Variants in CFAP69 observed in about 807,000 individuals in gnomAD.
The protein encoded by CFAP69 is cilia and flagella associated protein 69.
In CFAP69, 92 loss-of-function variants were observed where a neutral mutation model predicts 123.0. That is an observed-to-expected ratio of 0.75 (90% CI 0.63 to 0.89). The LOEUF (loss-of-function observed/expected upper bound fraction) is 0.89. CFAP69 is among the 40% of genes least tolerant of loss of function. The pLI is 0.00. For missense variants in CFAP69, 1,067 were observed against 1,096.9 expected (o/e 0.97, Z 0.39); for synonymous variants, 380 against 364.3 (o/e 1.04, Z -0.49).
Position 90,300,244 on chromosome 7 carries a change from G to A in CFAP69, c.2050+185G>A, listed in dbSNP as rs184134488. On this transcript the variant is annotated intron_variant, in intron 17 of 22. Coordinates refer to ENST00000389297, the MANE Select transcript of CFAP69 (RefSeq NM_001039706.3). Reference sequence around the variant, plus strand: ...AGAAAACTAAGTAAATTAGTAGTAGGTTCATATTTTTAGAGAATATTTTTA... The same window carrying A: ...AGAAAACTAAGTAAATTAGTAGTAGATTCATATTTTTAGAGAATATTTTTA... The A allele has an allele frequency of 1.6e-5, 17 of 1,073,744 alleles. No homozygotes were observed. The Admixed American group carries it at 7.8e-4, about 49-fold the overall frequency. 66.5% of individuals were successfully genotyped at this position (1,073,744 alleles called of 1,614,324 possible).
chr7:90,277,888 CCTTAGAAAAATTACCTCGT>C (rs1788838897), intron 11 of CFAP69, among the ~76,000 whole-genome samples: 1 of 151,984 alleles, frequency 6.6e-6, no homozygotes, highest in Non-Finnish European at 1.5e-5. Context: ...AGCTATGTGG[CCTTAGAAAAATTACCTCGT>C]CTATCTGTGG....
At chr7:90,250,350 A>C (rs776960105) in intron 1 of CFAP69, among the ~76,000 whole-genome samples, 2 of 152,194 alleles carry the variant, frequency 1.3e-5, no homozygotes, top group Non-Finnish European at 2.9e-5. Flanking sequence ...TGGCTTTAAC[A>C]AGTTAGGTCC....
At chr7:90,261,232 C>T (rs891017721) in intron 3 of CFAP69, among the ~76,000 whole-genome samples, 6 of 152,106 alleles carry the variant, frequency 3.9e-5, no homozygotes, top group Admixed American at 1.3e-4. Context: ...GGCACCACCA[C>T]GCCCAGCGAA....
At chr7:90,290,004 TTAGGTCTTG>T (rs1790890772) in intron 15 of CFAP69, among the ~76,000 whole-genome samples, 1 of 152,176 alleles carries the variant, frequency 6.6e-6, no homozygotes, top group Non-Finnish European at 1.5e-5. Flanking sequence ...ATTTTAATAA[TTAGGTCTTG>T]ATAAGTCTAG....
intron 6 of CFAP69, 138 bp downstream of exon 6, chr7:90,268,522 C>T (rs1325197142): frequency 3.4e-6 from 2 of 580,474 alleles, no homozygotes; most frequent in African/African-American, 2.0e-5. Context: ...TAGTCTTGAG[C>T]TCTTTGGTCA....
intron 1 of CFAP69, among the ~76,000 whole-genome samples, chr7:90,254,087 A>G (rs1797349454): frequency 6.6e-6 from 1 of 152,158 alleles, no homozygotes; most frequent in Non-Finnish European, 1.5e-5. Flanking sequence ...CATTTATTGA[A>G]GAGACTGTTC....
In CFAP69 at chr7:90,245,528, A is replaced by G; in HGVS notation, c.104A>G (p.Glu35Gly). The change falls in exon 1 of 23, where the codon GAG becomes GGG. Residue 35 changes from glutamate to glycine, a missense_variant. Glu to Gly is a moderately conservative substitution (Grantham distance 98, BLOSUM62 -2). Coordinates refer to ENST00000389297, the MANE Select transcript of CFAP69 (RefSeq NM_001039706.3). ...SQIPVVGVVT[E>G]DDEAQDVFKP... Reference sequence around the variant, plus strand: ...ATCCCGGTGGTTGGGGTGGTGACGGAGGACGATGAGGCGCAGGTATGAGCA... The same window carrying G: ...ATCCCGGTGGTTGGGGTGGTGACGGGGGACGATGAGGCGCAGGTATGAGCA... The G allele has an allele frequency of 6.6e-7, 1 of 1,513,354 alleles. No individual in the cohort carries two copies. Among genetic ancestry groups the G allele is most frequent in the Admixed American group, 2.3e-5 (1 of 43,646 alleles). 93.7% of individuals were successfully genotyped at this position (1,513,354 alleles called of 1,614,324 possible).
At chr7:90,256,033 C>T (rs1451482775) in intron 2 of CFAP69, among the ~76,000 whole-genome samples, 1 of 152,038 alleles carries the variant, frequency 6.6e-6, no homozygotes, top group Non-Finnish European at 1.5e-5. Context: ...TATCAAGAAT[C>T]GACTGAATGC....
In CFAP69 at chr7:90,245,503, A is replaced by G; in HGVS notation, c.79A>G (p.Ile27Val). ...GAACAAGTCTAGCAGTTCCAGTCAAATCCCGGTGGTTGGGGTGGTGACGGA... is the reference window on the plus strand; with the variant it reads ...GAACAAGTCTAGCAGTTCCAGTCAAGTCCCGGTGGTTGGGGTGGTGACGGA... Reference protein sequence around the residue: ...IRNKSSSSSQIPVVGVVTEDD... With the variant: ...IRNKSSSSSQVPVVGVVTEDD... The change falls in exon 1 of 23, where the codon ATC (isoleucine) becomes GTC (valine). Residue 27 changes from isoleucine to valine, a missense_variant. Transcript: ENST00000389297. 1.3e-6 allele frequency: 2 copies of G among 1,532,334 alleles called. No homozygotes were observed. Among genetic ancestry groups the G allele is most frequent in the East Asian group, 2.6e-5 (1 of 38,018 alleles). 94.9% of individuals were successfully genotyped at this position (1,532,334 alleles called of 1,614,324 possible). A position where few individuals can be genotyped will look rare whatever the true frequency, so the allele number is the denominator to read the frequency against.
At chr7:90,304,136 T>TATACACA in intron 18 of CFAP69, 30 bp downstream of exon 18, 1 of 1,538,892 alleles carries the variant, frequency 6.5e-7, no homozygotes, top group Non-Finnish European at 8.8e-7. Context: ...TTTGCAAGAG[T>TATACACA]CTGTTTTGCT....
chr7:90,290,077 AGCTTTTGCTGACCCC>A (rs1790900759), intron 15 of CFAP69, among the ~76,000 whole-genome samples: 1 of 152,186 alleles, frequency 6.6e-6, no homozygotes, highest in Non-Finnish European at 1.5e-5. Flanking sequence ...AGATTGTCTT[AGCTTTTGCTGACCCC>A]TTGCATTTGG....
chr7:90,245,423 C>G lies in CFAP69; in HGVS notation c.-2C>G. 1.3e-6 allele frequency: 2 copies of G among 1,547,548 alleles called. No homozygotes were observed. The highest frequency in any genetic ancestry group is 1.7e-6 in the Non-Finnish European group (2 of 1,148,732). On this transcript the variant is annotated 5_prime_UTR_variant, in exon 1 of 23. Transcript: ENST00000389297. ...CCACTCTCCACCCCGCCGCCACCGGCCATGTGGACAGAGGAAGCCGGGGCG... is the reference window on the plus strand; with the variant it reads ...CCACTCTCCACCCCGCCGCCACCGGGCATGTGGACAGAGGAAGCCGGGGCG...
the CFAP69 span, among the ~76,000 whole-genome samples, chr7:90,319,919 T>C: frequency 1.3e-5 from 2 of 152,220 alleles, no homozygotes; most frequent in Admixed American, 6.5e-5. Context: ...TCCTTTAGGA[T>C]ATTACAGTTC....
downstream of CFAP69, among the ~76,000 whole-genome samples, chr7:90,315,705 A>G (rs895622366): frequency 1.3e-5 from 2 of 152,238 alleles, no homozygotes; most frequent in Non-Finnish European, 2.9e-5. Context: ...CCCCCGTGAA[A>G]TGAGTTTACC....
chr7:90,298,372 A>C (rs1273653372), intron 16 of CFAP69, among the ~76,000 whole-genome samples: 1 of 152,222 alleles, frequency 6.6e-6, no homozygotes, highest in Non-Finnish European at 1.5e-5. Flanking sequence ...GCTGTGAAGA[A>C]TATAGCCCCT....
At position 90,255,414 on chromosome 7, in the gene CFAP69, G is replaced by C. The variant is rs1320520504; in HGVS notation, c.121-9G>C. 2 of 1,608,760 alleles carry C rather than the reference G, an allele frequency of 1.2e-6. No homozygotes were observed. The highest frequency in any genetic ancestry group is 2.7e-5 in the African/African-American group (2 of 74,920). ...TGATCTAGAATAGTAAGAGTTGTAT[G>C]TTTTTTAGGATGTTTTCAAGCCTAT... On this transcript the variant is annotated splice_polypyrimidine_tract_variant and intron_variant, in intron 1 of 22. Transcript: ENST00000389297.
At position 90,265,329 on chromosome 7, in the gene CFAP69, G is replaced by C; in HGVS notation, c.385G>C (p.Asp129His). 6.2e-7 allele frequency: 1 copy of C among 1,611,290 alleles called. No homozygotes were observed. Among genetic ancestry groups the C allele is most frequent in the Non-Finnish European group, 8.5e-7 (1 of 1,178,430 alleles). Reference sequence around the variant, plus strand: ...GCCATTTTTGAAAAAGAAAGTGTCGGATGAAATAACTTATGCTGAAGATAC... The same window carrying C: ...GCCATTTTTGAAAAAGAAAGTGTCGCATGAAATAACTTATGCTGAAGATAC... ...GLPFLKKKVS[D>H]EITYAEDTAN... The change falls in exon 5 of 23, where the codon GAT (aspartate) becomes CAT (histidine). Residue 129 changes from aspartate (D) to histidine (H), a missense_variant. Physicochemically the swap from Asp to His is moderately conservative, Grantham distance 81 (BLOSUM62 -1). Transcript: ENST00000389297.
At chr7:90,267,153 C>T (rs1318809170) in intron 5 of CFAP69, among the ~76,000 whole-genome samples, 3 of 151,972 alleles carry the variant, frequency 2.0e-5, no homozygotes, top group African/African-American at 4.8e-5. Context: ...AAGAACAGTC[C>T]GAAAAATAAA....
At chr7:90,292,848 T>C (rs923899432) in intron 15 of CFAP69, among the ~76,000 whole-genome samples, 1 of 152,234 alleles carries the variant, frequency 6.6e-6, no homozygotes. Flanking sequence ...GAAAGGTTTT[T>C]TCCTCTATTC....
Sources: allele counts gnomAD v4.1 joint callset (sites outside exome capture counted in the v4.1 genomes callset), GRCh38; gene constraint gnomAD v4.1.1; transcripts MANE v1.5; gene names NCBI Gene and HGNC (gene_info 2026-07-23, HGNC 2026-07-21).